Variants in UMAD1 observed in about 807,000 individuals in gnomAD.
UMAD1 encodes the protein UBAP1-MVB12-associated (UMA) domain containing 1, also known as UBAP1-MVB12-associated (UMA)-domain containing protein 1.
A neutral mutation model predicts 6.1 loss-of-function variants in UMAD1; 8 were observed. The observed-to-expected ratio is 1.30, with a 90% CI of 0.76 to 2.35. The LOEUF is 2.35. Among genes scored for constraint, UMAD1 ranks in the 30% most tolerant of loss-of-function variants. The pLI is 0.00. For synonymous variants in UMAD1, 56 were observed against 31.4 expected, an observed-to-expected ratio of 1.78 and a Z score of -2.61; for missense variants, 130 against 78.4, an observed-to-expected ratio of 1.66 and a Z score of -2.49.
chr7:7,793,080 G>A lies in UMAD1; in HGVS notation c.83-8590G>A, dbSNP rs552579063. Among the ~76,000 whole-genome samples, 11 of 152,328 alleles carry A rather than the reference G, an allele frequency of 7.2e-5. No homozygotes were observed. The East Asian group carries it at 1.5e-3, about 21-fold the overall frequency. Reference sequence around the variant, plus strand: ...GTCCATAGATTCTCTGATGCTGAACGAGCGTGTCGCTAATTGCTACACGCA... The same window carrying A: ...GTCCATAGATTCTCTGATGCTGAACAAGCGTGTCGCTAATTGCTACACGCA... On this transcript the variant is annotated intron_variant, in intron 2 of 3. Transcript: ENST00000682710.
chr7:7,845,345 T>C (rs1408280181), intron 3 of UMAD1, among the ~76,000 whole-genome samples: 1 of 152,104 alleles, frequency 6.6e-6, no homozygotes, highest in Non-Finnish European at 1.5e-5. Flanking sequence ...TTTAACAAGC[T>C]GCTCTATAGG....
intron 3 of UMAD1, among the ~76,000 whole-genome samples, chr7:7,875,479 T>A (rs1784399940): frequency 6.6e-6 from 1 of 152,046 alleles, no homozygotes; most frequent in African/African-American, 2.4e-5. Flanking sequence ...AAGAATCAAA[T>A]AGACACAATA....
At chr7:7,746,344 TAAAC>T (rs908853220) in intron 2 of UMAD1, among the ~76,000 whole-genome samples, 5 of 152,336 alleles carry the variant, frequency 3.3e-5, no homozygotes, top group African/African-American at 4.8e-5. Flanking sequence ...TATAGTTAAT[TAAAC>T]AACCTGATAT....
At position 7,655,218 on chromosome 7, in the gene UMAD1, C is replaced by A. The variant is rs538169109; in HGVS notation, c.-64+14397C>A. On this transcript the variant is annotated intron_variant, in intron 1 of 3. Transcript: ENST00000682710. ...GACAGAGCCAGCCATTAAAAGTCAT[C>A]CAGTCGTGGGAATAAACTAGACTGC... 5.9e-5 allele frequency among the ~76,000 whole-genome samples: 9 copies of A among 152,200 alleles called. No individual in the cohort carries two copies. In the South Asian group the frequency reaches 1.7e-3, roughly 28 times the overall value.
At chr7:7,808,205 C>T (rs768630284) in intron 3 of UMAD1, among the ~76,000 whole-genome samples, 5 of 151,944 alleles carry the variant, frequency 3.3e-5, no homozygotes, top group Non-Finnish European at 7.4e-5. Context: ...TTTCATTCTT[C>T]TTTTTTCCTT....
intron 2 of UMAD1, among the ~76,000 whole-genome samples, chr7:7,696,965 T>C (rs765599527): frequency 2.0e-5 from 3 of 152,158 alleles, no homozygotes; most frequent in Non-Finnish European, 4.4e-5. Context: ...GAACCAGCTA[T>C]GACCTAAGCT....
intron 3 of UMAD1, among the ~76,000 whole-genome samples, chr7:7,873,721 C>G (rs1023280376): frequency 6.6e-6 from 1 of 152,222 alleles, no homozygotes; most frequent in African/African-American, 2.4e-5. Context: ...GTGACGAGTT[C>G]CTTCTCTATA....
At chr7:7,850,661 T>C (rs1469026968) in intron 3 of UMAD1, among the ~76,000 whole-genome samples, 1 of 152,116 alleles carries the variant, frequency 6.6e-6, no homozygotes, top group Non-Finnish European at 1.5e-5. Flanking sequence ...AGTAATTCCA[T>C]GTTTTGACAA....
intron 2 of UMAD1, among the ~76,000 whole-genome samples, chr7:7,766,254 T>C (rs2115237165): frequency 6.6e-6 from 1 of 152,356 alleles, no homozygotes; most frequent in East Asian, 1.9e-4. Flanking sequence ...CTACAAGTTA[T>C]TGCTTATTCC....
intron 3 of UMAD1, among the ~76,000 whole-genome samples, chr7:7,849,023 C>T (rs1392585355): frequency 6.6e-6 from 1 of 151,828 alleles, no homozygotes; most frequent in African/African-American, 2.4e-5. Context: ...GAAATATTTC[C>T]CTTATGTTGA....
At chr7:7,675,320 A>G (rs540020357) in intron 2 of UMAD1, among the ~76,000 whole-genome samples, 1 of 152,096 alleles carries the variant, frequency 6.6e-6, no homozygotes, top group Non-Finnish European at 1.5e-5. Flanking sequence ...CTTTATCCCT[A>G]CTTCTCTGCC....
intron 3 of UMAD1, among the ~76,000 whole-genome samples, chr7:7,805,402 A>G (rs1277895695): frequency 1.3e-5 from 2 of 152,138 alleles, no homozygotes; most frequent in Non-Finnish European, 2.9e-5. Context: ...CTGCACATCC[A>G]GTCTATCAGC....
At chr7:7,784,956 G>T (rs900532296) in intron 2 of UMAD1, among the ~76,000 whole-genome samples, 1 of 151,984 alleles carries the variant, frequency 6.6e-6, no homozygotes, top group Admixed American at 6.5e-5. Context: ...TAGAGACGGG[G>T]TTTCACCGTG....
At chr7:7,696,838 TTC>T (rs1457925364) in intron 2 of UMAD1, among the ~76,000 whole-genome samples, 6 of 151,374 alleles carry the variant, frequency 4.0e-5, no homozygotes, top group African/African-American at 1.5e-4. Context: ...TTCTTTCTTC[TTC>T]TTTTTTTTTT....
chr7:7,762,922 T>G (rs1260243817), intron 2 of UMAD1, among the ~76,000 whole-genome samples: 4 of 152,232 alleles, frequency 2.6e-5, no homozygotes, highest in Non-Finnish European at 5.9e-5. Flanking sequence ...CAGGTTTGAT[T>G]GTTTTAAATG....
intron 2 of UMAD1, among the ~76,000 whole-genome samples, chr7:7,690,556 G>A (rs1780148938): frequency 6.6e-6 from 1 of 152,012 alleles, no homozygotes; most frequent in Non-Finnish European, 1.5e-5. Flanking sequence ...CAATTATAAG[G>A]TGGGGGTGAT....
At chr7:7,723,029 A>G (rs1032216423) in intron 2 of UMAD1, among the ~76,000 whole-genome samples, 1 of 72,378 alleles carries the variant, frequency 1.4e-5, no homozygotes, top group Non-Finnish European at 2.7e-5. Flanking sequence ...CTGAGGCAAC[A>G]GTGATGGCCT....
At chr7:7,823,102 C>T (rs1328719785) in intron 3 of UMAD1, among the ~76,000 whole-genome samples, 1 of 152,064 alleles carries the variant, frequency 6.6e-6, no homozygotes, top group Non-Finnish European at 1.5e-5. Context: ...GAGATGAGAT[C>T]CCAATGTTGT....
chr7:7,784,362 G>A (rs975236578), intron 2 of UMAD1, among the ~76,000 whole-genome samples: 10 of 142,978 alleles, frequency 7.0e-5, no homozygotes, highest in African/African-American at 2.6e-4. Flanking sequence ...TTGAGACAGA[G>A]TCTTGCTCTG....
Sources: allele counts gnomAD v4.1 joint callset (sites outside exome capture counted in the v4.1 genomes callset), GRCh38; gene constraint gnomAD v4.1.1; transcripts MANE v1.5; gene names NCBI Gene and HGNC (gene_info 2026-07-23, HGNC 2026-07-21).